ENOX1: variants seen among roughly 807,000 people sequenced by gnomAD.
ENOX1 encodes candidate growth-related and time keeping constitutive hydroquinone (NADH) oxidase.
ENOX1 carries 42 observed loss-of-function variants against 82.5 expected under a neutral mutation model. That is an observed-to-expected ratio of 0.51 (90% CI 0.40 to 0.66). The LOEUF (loss-of-function observed/expected upper bound fraction) is 0.66. Among genes scored for constraint, ENOX1 ranks in the 30% least tolerant of loss-of-function variants. The probability of loss-of-function intolerance (pLI) is 0.00; values close to 1 mark genes in which losing one functional copy is unlikely to be tolerated. For synonymous variants in ENOX1, 271 were observed against 282.2 expected, an observed-to-expected ratio of 0.96 and a Z score of 0.40; for missense variants, 608 against 811.6, an observed-to-expected ratio of 0.75 and a Z score of 3.05.
intron 1 of ENOX1, among the ~76,000 whole-genome samples, chr13:43,681,500 AT>A (rs968438766): frequency 6.6e-6 from 1 of 152,086 alleles, no homozygotes; most frequent in African/African-American, 2.4e-5. Context: ...AATCTTGAGA[AT>A]TTTTTTTAAA....
chr13:43,362,156 T>C (rs1594145649), intron 5 of ENOX1, among the ~76,000 whole-genome samples: 1 of 145,746 alleles, frequency 6.9e-6, no homozygotes. Flanking sequence ...TGCCCTGTAT[T>C]ACACACACAC....
At chr13:43,494,283 T>A (rs1230340832) in intron 2 of ENOX1, among the ~76,000 whole-genome samples, 2 of 152,104 alleles carry the variant, frequency 1.3e-5, no homozygotes, top group Non-Finnish European at 2.9e-5. Flanking sequence ...ATGACAGCCC[T>A]CCCATCACAT....
intron 3 of ENOX1, among the ~76,000 whole-genome samples, chr13:43,424,723 T>C (rs1185581518): frequency 6.6e-6 from 1 of 152,188 alleles, no homozygotes; most frequent in Non-Finnish European, 1.5e-5. Context: ...TGACCACCCA[T>C]AGCCCTTGCT....
intron 14 of ENOX1, among the ~76,000 whole-genome samples, chr13:43,253,240 C>T (rs187925884): frequency 3.9e-5 from 6 of 152,316 alleles, no homozygotes; most frequent in Admixed American, 1.3e-4. Context: ...CAGGGCACCA[C>T]GACACTTAGG....
At chr13:43,455,496 C>A (rs760963854) in intron 3 of ENOX1, among the ~76,000 whole-genome samples, 70 of 151,778 alleles carry the variant, frequency 4.6e-4, no homozygotes, top group Non-Finnish European at 8.5e-4. Flanking sequence ...TTTGACAATT[C>A]TTCTTCTATT....
At chr13:43,295,279 G>T (rs2046226879) in intron 12 of ENOX1, among the ~76,000 whole-genome samples, 1 of 152,180 alleles carries the variant, frequency 6.6e-6, no homozygotes, top group Admixed American at 6.5e-5. Flanking sequence ...TTAAGATCAG[G>T]TAAAGGCTAC....
chr13:43,716,482 T>A (rs549470323), intron 1 of ENOX1, among the ~76,000 whole-genome samples: 2 of 152,240 alleles, frequency 1.3e-5, no homozygotes, highest in East Asian at 3.9e-4. Context: ...CAAGCAGAAA[T>A]ATCTTGAAAT....
rs527879716 is a variant in ENOX1 at position 43,297,565 on chromosome 13, G to A, written c.1446+781C>T. 9.9e-5 allele frequency among the ~76,000 whole-genome samples: 15 copies of A among 152,118 alleles called. No individual in the cohort carries two copies. In the East Asian group the frequency reaches 1.7e-3, roughly 18 times the overall value. On this transcript the variant is annotated intron_variant, in intron 12 of 16. Transcript: ENST00000690772. ...TTAAGAATATCAGGTACCAATTGACGTTTTCAGATACAAATCTGACTGTGA... is the reference window on the plus strand; with the variant it reads ...TTAAGAATATCAGGTACCAATTGACATTTTCAGATACAAATCTGACTGTGA...
intron 9 of ENOX1, among the ~76,000 whole-genome samples, chr13:43,339,507 C>A (rs548145697): frequency 2.0e-5 from 3 of 152,206 alleles, no homozygotes; most frequent in Non-Finnish European, 4.4e-5. Flanking sequence ...TCCCTAGAAG[C>A]TGCGGAGTGA....
intron 14 of ENOX1, among the ~76,000 whole-genome samples, chr13:43,239,599 A>C (rs1183230987): frequency 6.6e-6 from 1 of 152,210 alleles, no homozygotes; most frequent in Non-Finnish European, 1.5e-5. Flanking sequence ...CCAACTTGTG[A>C]CCACTCAAAA....
intron 8 of ENOX1, among the ~76,000 whole-genome samples, chr13:43,353,077 G>A (rs545886041): frequency 1.3e-5 from 2 of 151,876 alleles, no homozygotes; most frequent in African/African-American, 2.4e-5. Flanking sequence ...GCTGATTAAC[G>A]AATACTTCTT....
chr13:43,562,432 G>A (rs1012061306), intron 2 of ENOX1, among the ~76,000 whole-genome samples: 2 of 151,820 alleles, frequency 1.3e-5, no homozygotes, highest in East Asian at 1.9e-4. Context: ...GAAAAAAATC[G>A]CCTTCATTAA....
chr13:43,623,392 G>T (rs773501879), intron 2 of ENOX1, among the ~76,000 whole-genome samples: 5 of 152,140 alleles, frequency 3.3e-5, no homozygotes, highest in Non-Finnish European at 7.4e-5. Flanking sequence ...GGAATGGCCT[G>T]CTAGGGGACC....
chr13:43,262,314 C>T (rs2044120040), intron 14 of ENOX1, among the ~76,000 whole-genome samples: 1 of 152,120 alleles, frequency 6.6e-6, no homozygotes, highest in Non-Finnish European at 1.5e-5. Flanking sequence ...ACACAATTGT[C>T]AGCTCTCACA....
chr13:43,592,349 T>A (rs1429382310), intron 2 of ENOX1, among the ~76,000 whole-genome samples: 3 of 152,192 alleles, frequency 2.0e-5, no homozygotes, highest in Admixed American at 2.0e-4. Flanking sequence ...AAATTTAAAA[T>A]CTTGAGCATC....
chr13:43,599,513 T>C (rs1233276139), intron 2 of ENOX1, among the ~76,000 whole-genome samples: 1 of 151,940 alleles, frequency 6.6e-6, no homozygotes, highest in Non-Finnish European at 1.5e-5. Flanking sequence ...TTCACCCCAG[T>C]GGTCAGAACT....
chr13:43,715,806 T>C lies in ENOX1; in HGVS notation c.-284-48262A>G, dbSNP rs555746765. 2.3e-4 allele frequency among the ~76,000 whole-genome samples: 35 copies of C among 152,332 alleles called. No homozygotes were observed. The South Asian group carries it at 3.3e-3, about 14-fold the overall frequency. ...CTTCACGTAGTTCTCGAGCCTTGGC[T>C]TTCAGCTCCATCAGCTCCTTTAAGG... On this transcript the variant is annotated intron_variant, in intron 1 of 16. Coordinates refer to ENST00000690772, the MANE Select transcript of ENOX1 (RefSeq NM_001347969.2).
At chr13:43,392,465 G>A (rs1393024533) in intron 5 of ENOX1, among the ~76,000 whole-genome samples, 2 of 152,156 alleles carry the variant, frequency 1.3e-5, no homozygotes, top group African/African-American at 2.4e-5. Flanking sequence ...GATCCCCTGA[G>A]GTCAGGAGTT....
At chr13:43,358,571 C>G (rs2050297651) in intron 7 of ENOX1, among the ~76,000 whole-genome samples, 1 of 152,124 alleles carries the variant, frequency 6.6e-6, no homozygotes, top group African/African-American at 2.4e-5. Flanking sequence ...AAAAATCCGT[C>G]CTTCTTTATC....
Sources: allele counts gnomAD v4.1 joint callset (sites outside exome capture counted in the v4.1 genomes callset), GRCh38; gene constraint gnomAD v4.1.1; transcripts MANE v1.5; gene names NCBI Gene and HGNC (gene_info 2026-07-23, HGNC 2026-07-21).